The following CCDC110 variants were observed in gnomAD, a reference collection of about 807,000 sequenced individuals.
The protein encoded by CCDC110 is coiled-coil domain containing 110, also known as coiled-coil domain-containing protein 110.
A neutral mutation model predicts 77.1 loss-of-function variants in CCDC110; 70 were observed. That is an observed-to-expected ratio of 0.91 (90% CI 0.75 to 1.11). The LOEUF is 1.11. Among genes scored for constraint, CCDC110 ranks in the 50% least tolerant of loss-of-function variants. The pLI, the probability that CCDC110 is intolerant of heterozygous loss-of-function variation, is 0.00. For missense variants in CCDC110, 868 were observed against 942.9 expected, an observed-to-expected ratio of 0.92 and a Z score of 1.04; for synonymous variants, 295 against 312.5, an observed-to-expected ratio of 0.94 and a Z score of 0.59.
chr4:185,445,253 G>C lies in CCDC110; in HGVS notation c.*249C>G. Reference sequence around the variant, plus strand: ...TAAATGACAAATGTGGGTGACTTTAGACATCTCAGCTCCTTCCATGTACAG... The same window carrying C: ...TAAATGACAAATGTGGGTGACTTTACACATCTCAGCTCCTTCCATGTACAG... On this transcript the variant is annotated 3_prime_UTR_variant, in exon 7 of 7. Transcript: ENST00000307588. 2.2e-6 allele frequency: 2 copies of C among 898,856 alleles called. No individual in the cohort carries two copies. Among genetic ancestry groups the C allele is most frequent in the Admixed American group, 5.5e-5 (2 of 36,634 alleles). The allele number at this position is 898,856 out of a possible 1,614,324, so 55.7% of individuals were successfully genotyped here. A position where few individuals can be genotyped will look rare whatever the true frequency, so the allele number is the denominator to read the frequency against.
At chr4:185,464,587 A>C (rs1041367551) in intron 2 of CCDC110, among the ~76,000 whole-genome samples, 2 of 152,232 alleles carry the variant, frequency 1.3e-5, no homozygotes, top group African/African-American at 2.4e-5. Flanking sequence ...ACTCTAAAGT[A>C]ACCTCTTCTA....
chr4:185,446,092 C>T (rs1195758841), intron 6 of CCDC110, among the ~76,000 whole-genome samples: 3 of 152,170 alleles, frequency 2.0e-5, no homozygotes, highest in Non-Finnish European at 4.4e-5. Flanking sequence ...CCACCCACCT[C>T]AGCCTCCCAA....
Position 185,459,449 on chromosome 4 carries a change from A to T in CCDC110, c.1138T>A (p.Tyr380Asn). ...DLKFHSRVPR[Y>N]TLSFLDQTKH... is the part of the protein sequence containing the mutation. Reference sequence around the variant, plus strand: ...GTTTGGTCGAGGAAGGACAGTGTGTATCTTGGAACTCTGGAATGGAATTTT... The same window carrying T: ...GTTTGGTCGAGGAAGGACAGTGTGTTTCTTGGAACTCTGGAATGGAATTTT... Residue 380 changes from tyrosine to asparagine, a missense_variant, in exon 6 of 7, where the codon TAC (tyrosine) becomes AAC (asparagine). Tyr to Asn is a moderately radical substitution (Grantham distance 143). Coordinates refer to ENST00000307588, the MANE Select transcript of CCDC110 (RefSeq NM_152775.4). 1 of 1,613,512 alleles carries T rather than the reference A, an allele frequency of 6.2e-7. No individual in the cohort carries two copies. The highest frequency in any genetic ancestry group is 8.5e-7 in the Non-Finnish European group (1 of 1,179,572).
chr4:185,470,942 T>C lies in CCDC110; in HGVS notation c.115+3A>G. 6.2e-7 allele frequency: 1 copy of C among 1,603,518 alleles called. No homozygotes were observed. Among genetic ancestry groups the C allele is most frequent in the Non-Finnish European group, 8.5e-7 (1 of 1,171,422 alleles). ...GGAGCCTTTTACGGTCTGGCGATTT[T>C]ACCTGTGTCACTGCAGCCACTTTCC... On this transcript the variant is annotated splice_donor_region_variant and intron_variant, in intron 2 of 6. Coordinates refer to ENST00000307588, the MANE Select transcript of CCDC110 (RefSeq NM_152775.4).
In CCDC110 at chr4:185,458,841, T is replaced by C; in HGVS notation, c.1746A>G (p.Gln582=). ...TTTTCTCTAACATTTCTTTTTCATC[T>C]TGTATCAACAGAATATTGGTTTTCA... is the stretch of plus-strand genomic sequence containing the variant. ...EAMKTNILLI[Q]DEKEMLEKKT... is the part of the protein sequence containing the mutation. Residue 582 remains glutamine, a synonymous_variant, in exon 6 of 7, where the codon CAA becomes CAG. Coordinates refer to ENST00000307588, the MANE Select transcript of CCDC110 (RefSeq NM_152775.4). 6.2e-7 allele frequency: 1 copy of C among 1,604,628 alleles called. No homozygotes were observed.
chr4:185,451,966 G>A (rs762958257), intron 6 of CCDC110, among the ~76,000 whole-genome samples: 7 of 152,186 alleles, frequency 4.6e-5, no homozygotes, highest in South Asian at 2.1e-4. Flanking sequence ...GTATTGTGTC[G>A]GTTTACAGAA....
intron 2 of CCDC110, 113 bp from the exon 3 acceptor site, chr4:185,463,162 G>A: frequency 1.4e-6 from 1 of 723,574 alleles, no homozygotes. Flanking sequence ...GAGATAATGA[G>A]AACTTCTGAT....
rs553177535 is a variant in CCDC110 at position 185,447,416 on chromosome 4, G to A, written c.2462-1874C>T. 4.0e-3 allele frequency among the ~76,000 whole-genome samples: 610 copies of A among 152,196 alleles called. 18 individuals carry two copies. The highest frequency in any genetic ancestry group is 0.038 in the South Asian group (181 of 4,818). On this transcript the variant is annotated intron_variant, in intron 6 of 6. Transcript: ENST00000307588. ...AGGATGGACTTGATCTCCTGACCTCGTGATCCACCCACCTTGGCCTCCCAA... is the reference window on the plus strand; with the variant it reads ...AGGATGGACTTGATCTCCTGACCTCATGATCCACCCACCTTGGCCTCCCAA...
chr4:185,471,626 C>T, intron 1 of CCDC110, 48 bp downstream of exon 1: 5 of 1,549,574 alleles, frequency 3.2e-6, no homozygotes, highest in South Asian at 1.2e-5. Context: ...TTCTGCTGCC[C>T]TCCGTTCCCG....
At chr4:185,471,634 C>T (rs770675021) in intron 1 of CCDC110, 40 bp downstream of exon 1, 5 of 1,551,628 alleles carry the variant, frequency 3.2e-6, no homozygotes, top group Non-Finnish European at 4.3e-6. Context: ...CCCTCCGTTC[C>T]CGCGGCTCCC....
At chr4:185,447,478 C>A (rs2095617137) in intron 6 of CCDC110, among the ~76,000 whole-genome samples, 1 of 152,174 alleles carries the variant, frequency 6.6e-6, no homozygotes, top group Non-Finnish European at 1.5e-5. Flanking sequence ...CCACGCCCGG[C>A]CGATTTTATA....
intron 6 of CCDC110, chr4:185,449,665 T>G: frequency 6.7e-7 from 1 of 1,493,002 alleles, no homozygotes; most frequent in Non-Finnish European, 9.1e-7. Context: ...ACAAGTAGCT[T>G]TCTAGATCTT....
chr4:185,462,865 A>G, intron 3 of CCDC110, 129 bp downstream of exon 3: 4 of 1,014,320 alleles, frequency 3.9e-6, no homozygotes, highest in Non-Finnish European at 6.2e-6. Context: ...TAACTCCCCA[A>G]TGTGCTTTCA....
intron 2 of CCDC110, among the ~76,000 whole-genome samples, chr4:185,463,393 G>A (rs2095649940): frequency 6.6e-6 from 1 of 152,150 alleles, no homozygotes; most frequent in South Asian, 2.1e-4. Context: ...GAGACCCTTG[G>A]CAAAGTAGTA....
chr4:185,449,556 G>T (rs1342586330), intron 6 of CCDC110: 3 of 1,282,888 alleles, frequency 2.3e-6, no homozygotes, highest in Admixed American at 2.4e-5. Context: ...TATTTGACTT[G>T]CACCTATAAA....
intron 2 of CCDC110, among the ~76,000 whole-genome samples, chr4:185,465,670 C>G (rs540981301): frequency 1.6e-4 from 24 of 152,308 alleles, no homozygotes; most frequent in African/African-American, 5.8e-4. Flanking sequence ...TTACAGGTCA[C>G]TCTGCTACAT....
In CCDC110 at chr4:185,458,225, T is replaced by G; in HGVS notation, c.2362A>C (p.Thr788Pro). ...ICNQHNDPSKTTYISRREKFH... is the reference protein window; with the variant it reads ...ICNQHNDPSKPTYISRREKFH... ...TTCTCTCTTCTTGAAATGTAAGTTG[T>G]TTTTGAAGGGTCATTATGCTGATTA... Residue 788 changes from threonine (T) to proline (P), a missense_variant, in exon 6 of 7, where the codon ACA (threonine) becomes CCA (proline). Transcript: ENST00000307588. 1 of 1,605,342 alleles carries G rather than the reference T, an allele frequency of 6.2e-7. No individual in the cohort carries two copies. The highest frequency in any genetic ancestry group is 8.5e-7 in the Non-Finnish European group (1 of 1,177,634).
intron 1 of CCDC110, chr4:185,471,381 A>ATGGGTCGGAGGGC: frequency 6.1e-6 from 1 of 163,452 alleles, no homozygotes; most frequent in Non-Finnish European, 1.1e-5. Flanking sequence ...GGGCGGAGGG[A>ATGGGTCGGAGGGC]CGGCATCAGG....
chr4:185,464,605 TAACTA>T (rs1394832819), intron 2 of CCDC110, among the ~76,000 whole-genome samples: 9 of 152,218 alleles, frequency 5.9e-5, no homozygotes, highest in African/African-American at 1.7e-4. Context: ...CTAATGAACT[TAACTA>T]GACCAAAGTG....
Sources: allele counts gnomAD v4.1 joint callset (sites outside exome capture counted in the v4.1 genomes callset), GRCh38; gene constraint gnomAD v4.1.1; transcripts MANE v1.5; gene names NCBI Gene and HGNC (gene_info 2026-07-23, HGNC 2026-07-21).